The following ADCY3 variants were observed in gnomAD, a reference collection of about 807,000 sequenced individuals.
ADCY3 encodes the protein adenylate cyclase 3.
ADCY3 carries 70 observed loss-of-function variants against 119.4 expected under a neutral mutation model. The observed-to-expected ratio is 0.59, with a 90% CI of 0.48 to 0.72. ADCY3 has a LOEUF of 0.72. ADCY3 is among the 30% of genes least tolerant of loss of function. The pLI, the probability that ADCY3 is intolerant of heterozygous loss-of-function variation, is 0.00. For missense variants in ADCY3, 1,238 were observed against 1,541.6 expected (o/e 0.80, Z 3.30); for synonymous variants, 672 against 621.4 (o/e 1.08, Z -1.21).
intron 11 of ADCY3, among the ~76,000 whole-genome samples, chr2:24,833,017 G>C (rs1177240213): frequency 6.6e-6 from 1 of 152,172 alleles, no homozygotes; most frequent in Admixed American, 6.5e-5. Context: ...AATACATTCA[G>C]CATCTATCGA....
intron 17 of ADCY3, among the ~76,000 whole-genome samples, chr2:24,823,733 C>A (rs1189501510): frequency 6.6e-6 from 1 of 151,246 alleles, no homozygotes; most frequent in African/African-American, 2.4e-5. Context: ...GCTGTGTCAC[C>A]CAGGCTGGAG....
chr2:24,894,219 C>T (rs945481834), intron 2 of ADCY3, among the ~76,000 whole-genome samples: 4 of 152,154 alleles, frequency 2.6e-5, no homozygotes, highest in African/African-American at 9.7e-5. Context: ...TGTGGTGGCT[C>T]ACATTGTAAT....
At chr2:24,824,332 G>A (rs747520250) in intron 17 of ADCY3, 46 bp downstream of exon 17, 2 of 1,601,086 alleles carry the variant, frequency 1.2e-6, no homozygotes, top group South Asian at 1.1e-5. Flanking sequence ...AAGAACAGAT[G>A]GAGACAAATG....
chr2:24,834,747 G>T lies in ADCY3; in HGVS notation c.1805+47C>A, dbSNP rs1350186707. ...GCTCAGTTTCCTGAATCCCTTGTCA[G>T]GGCCCGGGAGGAGTGGTGGGCCTGG... On this transcript the variant is annotated intron_variant, in intron 10 of 21. Coordinates refer to ENST00000679454, the MANE Select transcript of ADCY3 (RefSeq NM_004036.5). This position sits in a 1 kb window ranked among gnomAD's most constrained non-coding sequence, Gnocchi z 4.2. 6.9e-6 allele frequency: 11 copies of T among 1,601,552 alleles called. No individual in the cohort carries two copies. The highest frequency in any genetic ancestry group is 9.4e-6 in the Non-Finnish European group (11 of 1,170,244).
chr2:24,843,962 G>A (rs1424280598), intron 3 of ADCY3, among the ~76,000 whole-genome samples: 7 of 152,226 alleles, frequency 4.6e-5, no homozygotes, highest in Non-Finnish European at 8.8e-5. Flanking sequence ...GGTGAAGGAT[G>A]GTGGGGGGCA....
chr2:24,831,539 C>T (rs1168546609), intron 12 of ADCY3, 123 bp downstream of exon 12: 1 of 787,054 alleles, frequency 1.3e-6, no homozygotes, highest in Non-Finnish European at 2.2e-6. Flanking sequence ...CCTGGACCGT[C>T]CTAACAGAGG....
Position 24,842,611 on chromosome 2 carries a change from G to C in ADCY3, c.826-227C>G. ...TGGCAATGGCCCCTTCAGAGCAACT[G>C]AGGGGAGCCAGAAACGCAGTGAAGC... On this transcript the variant is annotated intron_variant, in intron 3 of 21. Coordinates refer to ENST00000679454, the MANE Select transcript of ADCY3 (RefSeq NM_004036.5). The surrounding 1 kb of genome is among the most constrained non-coding windows in gnomAD (Gnocchi z 4.9). 1 of 544,102 alleles carries C rather than the reference G, an allele frequency of 1.8e-6. No homozygotes were observed. Among genetic ancestry groups the C allele is most frequent in the South Asian group, 2.1e-5 (1 of 48,716 alleles). The allele number at this position is 544,102 out of a possible 1,614,324, so 33.7% of individuals were successfully genotyped here.
chr2:24,880,908 G>A (rs772502287), intron 2 of ADCY3, among the ~76,000 whole-genome samples: 6 of 152,140 alleles, frequency 3.9e-5, no homozygotes, highest in African/African-American at 7.2e-5. Flanking sequence ...CCAGCTATTC[G>A]GGAGGCTGAG....
At chr2:24,835,174 G>A (rs1362777304) in intron 9 of ADCY3, among the ~76,000 whole-genome samples, 1 of 152,210 alleles carries the variant, frequency 6.6e-6, no homozygotes, top group Non-Finnish European at 1.5e-5. Flanking sequence ...CCCACCCAGA[G>A]CTCTGCAGGG....
chr2:24,831,338 C>T, intron 12 of ADCY3, among the ~76,000 whole-genome samples: 1 of 152,178 alleles, frequency 6.6e-6, no homozygotes, highest in Non-Finnish European at 1.5e-5. Context: ...ACCCACCTTC[C>T]AGCCGGCCCT....
At chr2:24,830,461 C>G (rs1669333094) in intron 13 of ADCY3, among the ~76,000 whole-genome samples, 1 of 152,166 alleles carries the variant, frequency 6.6e-6, no homozygotes, top group African/African-American at 2.4e-5. Flanking sequence ...GGCCTGGGCA[C>G]ATGGAACTGT....
intron 2 of ADCY3, among the ~76,000 whole-genome samples, chr2:24,904,596 T>C (rs1271694830): frequency 6.6e-6 from 1 of 152,106 alleles, no homozygotes; most frequent in African/African-American, 2.4e-5. Context: ...AAGCATATTC[T>C]CTCCGACATT....
intron 2 of ADCY3, among the ~76,000 whole-genome samples, chr2:24,883,675 T>C (rs1372558451): frequency 6.6e-6 from 1 of 152,238 alleles, no homozygotes; most frequent in East Asian, 1.9e-4. Flanking sequence ...CCTGACTTTC[T>C]GAAACTAACT....
At chr2:24,891,518 T>C (rs1489121662) in intron 2 of ADCY3, among the ~76,000 whole-genome samples, 1 of 152,178 alleles carries the variant, frequency 6.6e-6, no homozygotes, top group Non-Finnish European at 1.5e-5. Context: ...AGTATAAAAG[T>C]AGTGATGCTA....
intron 3 of ADCY3, among the ~76,000 whole-genome samples, chr2:24,865,899 C>A (rs927396478): frequency 6.6e-6 from 1 of 151,940 alleles, no homozygotes; most frequent in African/African-American, 2.4e-5. Context: ...CGACCAGGGT[C>A]GAGAGGCTGG....
At chr2:24,840,326 A>G (rs939527092) in intron 6 of ADCY3, among the ~76,000 whole-genome samples, 4 of 152,214 alleles carry the variant, frequency 2.6e-5, no homozygotes, top group Non-Finnish European at 5.9e-5. Flanking sequence ...CGTGCAGTTA[A>G]TATTTCACTG....
intron 2 of ADCY3, among the ~76,000 whole-genome samples, chr2:24,876,327 G>A (rs1295912505): frequency 6.6e-6 from 1 of 152,128 alleles, no homozygotes; most frequent in Non-Finnish European, 1.5e-5. Flanking sequence ...TAGTCACGAA[G>A]ATACTAGCCC....
At chr2:24,869,747 T>C (rs1674734988) in intron 3 of ADCY3, among the ~76,000 whole-genome samples, 1 of 152,104 alleles carries the variant, frequency 6.6e-6, no homozygotes, top group South Asian at 2.1e-4. Flanking sequence ...CTTCCAAATT[T>C]AAGGAATAAC....
chr2:24,832,156 G>A (rs1363486273), intron 11 of ADCY3: 1 of 213,784 alleles, frequency 4.7e-6, no homozygotes, highest in East Asian at 1.3e-4. Context: ...CCAGGGAATT[G>A]CTGCTGCCTG....
Sources: allele counts gnomAD v4.1 joint callset (sites outside exome capture counted in the v4.1 genomes callset), GRCh38; gene constraint gnomAD v4.1.1; non-coding constraint Gnocchi (gnomAD v3.1); transcripts MANE v1.5; gene names NCBI Gene and HGNC (gene_info 2026-07-23, HGNC 2026-07-21).